The following PRKG1 variants were observed in gnomAD, a reference collection of about 807,000 sequenced individuals.
The protein encoded by PRKG1 is protein kinase cGMP-dependent 1, also known as cGMP-dependent protein kinase 1.
Under a neutral mutation model 88.1 loss-of-function variants are expected in PRKG1, and 35 were observed. The ratio of observed to expected loss-of-function variants is 0.40; its 90% CI spans 0.30 to 0.53. PRKG1 has a LOEUF of 0.53. PRKG1 is among the 20% of genes least tolerant of loss of function. PRKG1 has a pLI of 0.59. For synonymous variants in PRKG1, 303 were observed against 292.5 expected (o/e 1.04, Z -0.37); for missense variants, 540 against 839.8 (o/e 0.64, Z 4.41).
chr10:51,508,457 A>G (rs922513456), intron 3 of PRKG1, among the ~76,000 whole-genome samples: 2 of 152,186 alleles, frequency 1.3e-5, no homozygotes, highest in African/African-American at 4.8e-5. Flanking sequence ...TATGTGCAGC[A>G]TTCTATTAAT....
At chr10:51,516,199 T>A (rs1841576920) in intron 3 of PRKG1, among the ~76,000 whole-genome samples, 1 of 152,082 alleles carries the variant, frequency 6.6e-6, no homozygotes, top group Non-Finnish European at 1.5e-5. Flanking sequence ...AATGCTGGAA[T>A]GGGGATGGGA....
At chr10:51,256,955 A>T (rs913015838) in intron 2 of PRKG1, among the ~76,000 whole-genome samples, 1 of 152,166 alleles carries the variant, frequency 6.6e-6, no homozygotes, top group African/African-American at 2.4e-5. Flanking sequence ...AAAGTAGTCA[A>T]GCAGTAAAGT....
intron 5 of PRKG1, among the ~76,000 whole-genome samples, chr10:51,974,372 C>T (rs1051271895): frequency 3.9e-5 from 6 of 152,084 alleles, no homozygotes; most frequent in African/African-American, 1.4e-4. Flanking sequence ...CCACCCAAAT[C>T]ATTTTGTATG....
intron 2 of PRKG1, among the ~76,000 whole-genome samples, chr10:51,392,413 A>G (rs1837429573): frequency 6.6e-6 from 1 of 152,186 alleles, no homozygotes; most frequent in African/African-American, 2.4e-5. Flanking sequence ...CCCTGAGTGG[A>G]CACAGCACAT....
In PRKG1 at chr10:51,512,242, G is replaced by T. The variant is rs558556168; in HGVS notation, c.592+44406G>T. ...AAGTTTTAGGGTACATGTGCACATT[G>T]TGCAGGTTAGTTACATATGTATACA... On this transcript the variant is annotated intron_variant, in intron 3 of 17. Coordinates refer to ENST00000373980, the MANE Select transcript of PRKG1 (RefSeq NM_006258.4). Among the ~76,000 whole-genome samples, 64 of 120,874 alleles carry T rather than the reference G, an allele frequency of 5.3e-4. No individual in the cohort carries two copies. The South Asian group carries it at 5.5e-3, about 10-fold the overall frequency. 79.3% of individuals were successfully genotyped at this position (120,874 alleles called of 152,430 possible).
intron 2 of PRKG1, among the ~76,000 whole-genome samples, chr10:51,237,986 A>G (rs1455837514): frequency 5.9e-5 from 9 of 152,158 alleles, no homozygotes; most frequent in African/African-American, 2.2e-4. Flanking sequence ...AGTATTTTCT[A>G]TGTGGAAATG....
chr10:51,407,714 C>T (rs556902476), intron 2 of PRKG1, among the ~76,000 whole-genome samples: 3 of 152,314 alleles, frequency 2.0e-5, no homozygotes, highest in South Asian at 2.1e-4. Flanking sequence ...CATTTGCAGT[C>T]CTGCCTGGAT....
intron 5 of PRKG1, among the ~76,000 whole-genome samples, chr10:51,957,704 A>G: frequency 6.6e-6 from 1 of 152,332 alleles, no homozygotes; most frequent in South Asian, 2.1e-4. Context: ...GAATCTCAGT[A>G]TACCTTATAA....
At chr10:51,641,342 G>A (rs372401714) in intron 3 of PRKG1, among the ~76,000 whole-genome samples, 16 of 152,208 alleles carry the variant, frequency 1.1e-4, no homozygotes, top group Admixed American at 3.9e-4. Context: ...CCATTGAGGG[G>A]ACTAGTGGGC....
chr10:51,215,961 G>A (rs1164362667), intron 2 of PRKG1, among the ~76,000 whole-genome samples: 1 of 152,208 alleles, frequency 6.6e-6, no homozygotes, highest in African/African-American at 2.4e-5. Context: ...AGAGAATAAA[G>A]TGAGGAAACA....
At chr10:51,580,092 A>T (rs542971522) in intron 3 of PRKG1, among the ~76,000 whole-genome samples, 67 of 152,232 alleles carry the variant, frequency 4.4e-4, no homozygotes, top group African/African-American at 1.5e-3. Flanking sequence ...GTCTGTACAC[A>T]AAATATAGTG....
intron 2 of PRKG1, among the ~76,000 whole-genome samples, chr10:51,387,881 A>G (rs909679951): frequency 6.6e-6 from 1 of 152,106 alleles, no homozygotes; most frequent in African/African-American, 2.4e-5. Context: ...GATATATTTT[A>G]TTATTAATAA....
intron 3 of PRKG1, among the ~76,000 whole-genome samples, chr10:51,701,620 C>G (rs1841469230): frequency 6.6e-6 from 1 of 152,136 alleles, no homozygotes; most frequent in African/African-American, 2.4e-5. Flanking sequence ...AAAGACAAAT[C>G]TATTTTTCTT....
chr10:52,241,793 C>T (rs16928337), intron 9 of PRKG1, among the ~76,000 whole-genome samples: 8,444 of 152,138 alleles, frequency 0.056, 741 homozygotes, highest in African/African-American at 0.19. Flanking sequence ...TTCAATATTT[C>T]GACTGATCCC....
rs1846697851 is a variant in PRKG1, at chr10:51,171,252, A to C, written c.478+17922A>C. On this transcript the variant is annotated intron_variant, in intron 2 of 17. Coordinates refer to ENST00000373980, the MANE Select transcript of PRKG1 (RefSeq NM_006258.4). ...AGACTAACTGACAAAACTCTCAGGGAATACCTAGGGTACAGTAATAATCGT... is the reference window on the plus strand; with the variant it reads ...AGACTAACTGACAAAACTCTCAGGGCATACCTAGGGTACAGTAATAATCGT... Among the ~76,000 whole-genome samples the C allele has an allele frequency of 2.0e-5, 3 of 152,152 alleles. No homozygotes were observed. In the South Asian group the frequency reaches 6.2e-4, roughly 32 times the overall value.
chr10:51,352,884 C>G (rs1445340251), intron 2 of PRKG1, among the ~76,000 whole-genome samples: 1 of 151,898 alleles, frequency 6.6e-6, no homozygotes, highest in South Asian at 2.1e-4. Context: ...CAGTAACTAA[C>G]ACATCATGGT....
intron 3 of PRKG1, among the ~76,000 whole-genome samples, chr10:51,629,794 T>C (rs1211240334): frequency 2.0e-5 from 3 of 152,100 alleles, no homozygotes; most frequent in African/African-American, 7.2e-5. Flanking sequence ...AGTTCGCGGG[T>C]ATTTTATGGT....
chr10:51,388,149 G>A (rs952063510), intron 2 of PRKG1, among the ~76,000 whole-genome samples: 8 of 152,044 alleles, frequency 5.3e-5, no homozygotes, highest in Admixed American at 1.3e-4. Flanking sequence ...ATATAAGACC[G>A]TTACTATGAG....
chr10:51,931,893 G>T (rs138000062), intron 5 of PRKG1, among the ~76,000 whole-genome samples: 67 of 152,220 alleles, frequency 4.4e-4, no homozygotes, highest in African/African-American at 1.4e-3. Flanking sequence ...AATCCAAATA[G>T]TCTATTATAG....
Sources: allele counts gnomAD v4.1 joint callset (sites outside exome capture counted in the v4.1 genomes callset), GRCh38; gene constraint gnomAD v4.1.1; transcripts MANE v1.5; gene names NCBI Gene and HGNC (gene_info 2026-07-23, HGNC 2026-07-21).